The following ZNF469 variants were observed in gnomAD, a reference collection of about 807,000 sequenced individuals.
ZNF469 encodes zinc finger protein 469.
In ZNF469, 1 loss-of-function variant was observed where a neutral mutation model predicts 1.0. The observed-to-expected ratio is 1.00, with a 90% CI of 0.35 to 4.73. ZNF469 has a LOEUF of 4.73. Ranked by LOEUF, ZNF469 falls within the 30% of genes most tolerant of loss-of-function variation. The pLI is 0.16. For synonymous variants in ZNF469, 2,703 were observed against 2,363.4 expected, an observed-to-expected ratio of 1.14 and a Z score of -4.17; for missense variants, 6,100 against 5,356.3, an observed-to-expected ratio of 1.14 and a Z score of -4.33.
the ZNF469 span, among the ~76,000 whole-genome samples, chr16:88,113,282 G>A: frequency 6.8e-4 from 103 of 152,294 alleles, 1 homozygote; most frequent in Middle Eastern, 0.014. Flanking sequence ...TGTATGTGGC[G>A]AGAGCTAGGG....
chr16:88,159,622 T>C, the ZNF469 span, among the ~76,000 whole-genome samples: 1 of 152,164 alleles, frequency 6.6e-6, no homozygotes, highest in Non-Finnish European at 1.5e-5. Flanking sequence ...AAACAACAGC[T>C]GAGCCTCCTT....
chr16:88,390,971 C>T (rs1041828494), intron 1 of ZNF469, among the ~76,000 whole-genome samples: 3 of 152,266 alleles, frequency 2.0e-5, no homozygotes, highest in Non-Finnish European at 2.9e-5. Context: ...ACCCAGGCAG[C>T]TGCCCACACC....
the ZNF469 span, among the ~76,000 whole-genome samples, chr16:88,235,291 C>G: frequency 6.6e-6 from 1 of 152,242 alleles, no homozygotes; most frequent in Admixed American, 6.5e-5. Flanking sequence ...ACACATTTCT[C>G]TCCTTTTTAA....
Position 88,436,869 on chromosome 16 carries a change from C to A in ZNF469, c.9399C>A (p.His3133Gln), listed in dbSNP as rs573336973. The A allele has an allele frequency of 1.3e-6, 2 of 1,518,464 alleles. No homozygotes were observed. Among genetic ancestry groups the A allele is most frequent in the South Asian group, 2.4e-5 (2 of 82,250 alleles). 94.1% of individuals were successfully genotyped at this position (1,518,464 alleles called of 1,614,324 possible). The change falls in exon 3 of 3, where the codon CAC (histidine) becomes CAA (glutamine). Residue 3133 changes from histidine (H) to glutamine (Q), a missense_variant. His to Gln is a conservative substitution (Grantham distance 24). Coordinates refer to ENST00000565624, the MANE Select transcript of ZNF469 (RefSeq NM_001367624.2). ...GCAGCCTGGGCGAGCTGGACCTGCA[C>A]AAGCTGGCCCACACGCCCGCGCCGC... Reference protein sequence around the residue: ...RFRSLGELDLHKLAHTPAPPP... With the variant: ...RFRSLGELDLQKLAHTPAPPP...
At chr16:88,160,002 T>A in the ZNF469 span, among the ~76,000 whole-genome samples, 1 of 152,236 alleles carries the variant, frequency 6.6e-6, no homozygotes, top group Admixed American at 6.5e-5. Context: ...CTGGATCACC[T>A]CGGGTAGCTT....
the ZNF469 span, among the ~76,000 whole-genome samples, chr16:88,216,207 T>C: frequency 1.3e-5 from 2 of 152,094 alleles, no homozygotes; most frequent in African/African-American, 4.8e-5. Flanking sequence ...TAAAAGATAT[T>C]ATTTCAGGTC....
chr16:88,418,588 TC>T (rs1195701276), intron 1 of ZNF469, among the ~76,000 whole-genome samples: 5 of 151,932 alleles, frequency 3.3e-5, no homozygotes, highest in Non-Finnish European at 5.9e-5. Context: ...GACATCATTT[TC>T]TTTCCCCATG....
the ZNF469 span, among the ~76,000 whole-genome samples, chr16:88,343,837 A>C: frequency 6.6e-6 from 1 of 152,176 alleles, no homozygotes; most frequent in East Asian, 1.9e-4. Context: ...ATTGAATTTC[A>C]ACATGAGTTT....
intron 1 of ZNF469, among the ~76,000 whole-genome samples, chr16:88,399,642 C>G (rs113687381): frequency 7.5e-4 from 114 of 152,372 alleles, no homozygotes; most frequent in Non-Finnish European, 1.3e-3. Context: ...TAAAACCAAA[C>G]ATTTTCAATA....
the ZNF469 span, among the ~76,000 whole-genome samples, chr16:88,288,685 T>C: frequency 6.6e-6 from 1 of 152,228 alleles, no homozygotes; most frequent in Non-Finnish European, 1.5e-5. Flanking sequence ...GTAACCCCTG[T>C]TGCATAGATG....
chr16:88,257,635 T>C, the ZNF469 span, among the ~76,000 whole-genome samples: 1 of 152,194 alleles, frequency 6.6e-6, no homozygotes, highest in Non-Finnish European at 1.5e-5. Context: ...AGGAGTTTTA[T>C]AGTTTTTCAT....
At chr16:88,360,895 A>ATATAATTTTTTCAT in the ZNF469 span, among the ~76,000 whole-genome samples, 2 of 152,150 alleles carry the variant, frequency 1.3e-5, no homozygotes, top group African/African-American at 4.8e-5. Flanking sequence ...GTTTCATGGA[A>ATATAATTTTTTCAT]GATAATTTTT....
Position 88,431,357 on chromosome 16 carries a change from C to G in ZNF469, c.3887C>G (p.Pro1296Arg). ...GCGCCCCACGGAAGCTCGCCAACGC[C>G]AGGTGTGGGCAGCCTGCTGGGTGGT... is the stretch of plus-strand genomic sequence containing the variant. ...NTAPHGSSPT[P>R]GVGSLLGGPG... Residue 1296 changes from proline to arginine, a missense_variant, in exon 3 of 3, where the codon CCA becomes CGA. Transcript: ENST00000565624. 6.5e-7 allele frequency: 1 copy of G among 1,549,774 alleles called. No individual in the cohort carries two copies. The highest frequency in any genetic ancestry group is 8.7e-7 in the Non-Finnish European group (1 of 1,146,694).
At chr16:88,365,753 T>C in the ZNF469 span, among the ~76,000 whole-genome samples, 1 of 152,180 alleles carries the variant, frequency 6.6e-6, no homozygotes, top group Non-Finnish European at 1.5e-5. Context: ...CTCACCAGCC[T>C]TGGAGTCCTT....
chr16:88,340,796 G>T, the ZNF469 span, among the ~76,000 whole-genome samples: 1 of 152,092 alleles, frequency 6.6e-6, no homozygotes, highest in African/African-American at 2.4e-5. Context: ...GAGGGAGAGG[G>T]TGATGCACAG....
the ZNF469 span, among the ~76,000 whole-genome samples, chr16:88,200,008 G>A: frequency 6.6e-6 from 1 of 152,176 alleles, no homozygotes; most frequent in Admixed American, 6.5e-5. Context: ...TTCCCTCCAT[G>A]ACCTCGCCAA....
chr16:88,309,077 A>T, the ZNF469 span, among the ~76,000 whole-genome samples: 9 of 151,328 alleles, frequency 5.9e-5, no homozygotes, highest in Admixed American at 1.3e-4. Flanking sequence ...CCTTCTCCCA[A>T]CCTCCCAGGC....
upstream of ZNF469, among the ~76,000 whole-genome samples, chr16:88,382,229 G>A (rs943070205): frequency 6.6e-6 from 1 of 151,880 alleles, no homozygotes; most frequent in Admixed American, 6.6e-5. Context: ...ACTGGGCCAG[G>A]GGGCTCTGCC....
At chr16:88,236,782 G>A in the ZNF469 span, among the ~76,000 whole-genome samples, 9 of 151,788 alleles carry the variant, frequency 5.9e-5, no homozygotes, top group Non-Finnish European at 1.0e-4. Context: ...CAAGAGAATC[G>A]CTTGAACCTG....
Sources: gnomAD v4.1 joint callset for allele counts (sites outside exome capture counted in the v4.1 genomes callset) on GRCh38, gnomAD v4.1.1 for gene constraint, MANE v1.5 for transcripts, NCBI Gene and HGNC (gene_info 2026-07-23, HGNC 2026-07-21) for gene names.